The following RTN4RL2 variants were observed in gnomAD, a reference collection of about 807,000 sequenced individuals.
RTN4RL2 encodes the protein reticulon 4 receptor like 2, also known as reticulon-4 receptor-like 2.
A neutral mutation model predicts 27.8 loss-of-function variants in RTN4RL2; 9 were observed. That is an observed-to-expected ratio of 0.32 (90% confidence interval 0.20 to 0.57). The LOEUF is 0.57. Among genes scored for constraint, RTN4RL2 ranks in the 20% least tolerant of loss-of-function variants. The pLI is 0.90. For missense variants in RTN4RL2, 436 were observed against 596.8 expected, an observed-to-expected ratio of 0.73 and a Z score of 2.81; for synonymous variants, 285 against 297.9, an observed-to-expected ratio of 0.96 and a Z score of 0.45.
intron 2 of RTN4RL2, chr11:57,468,639 G>C (rs1375701669): frequency 6.5e-7 from 1 of 1,536,172 alleles, no homozygotes; most frequent in South Asian, 1.2e-5. Flanking sequence ...GAAGTAGAGA[G>C]AGAAGGCAGA....
intron 1 of RTN4RL2, among the ~76,000 whole-genome samples, chr11:57,463,685 G>A (rs544187537): frequency 2.0e-5 from 3 of 152,162 alleles, no homozygotes; most frequent in Non-Finnish European, 2.9e-5. Context: ...CGTGGTCCTC[G>A]GGAGAGACAG....
chr11:57,470,197 T>C (rs1412224209), intron 2 of RTN4RL2, among the ~76,000 whole-genome samples: 1 of 152,166 alleles, frequency 6.6e-6, no homozygotes, highest in Non-Finnish European at 1.5e-5. Context: ...ACTTAACCTC[T>C]CTCAGTCTCC....
At chr11:57,468,726 C>G (rs532585620) in intron 2 of RTN4RL2, 1 of 1,536,094 alleles carries the variant, frequency 6.5e-7, no homozygotes, top group Non-Finnish European at 8.7e-7. Flanking sequence ...GAAGCCCACA[C>G]CCCTTCTAGA....
At chr11:57,462,040 G>A (rs1943488868) in intron 1 of RTN4RL2, among the ~76,000 whole-genome samples, 1 of 151,964 alleles carries the variant, frequency 6.6e-6, no homozygotes, top group Non-Finnish European at 1.5e-5. Flanking sequence ...GATGGGGGGT[G>A]CTTTGAGCTC....
intron 2 of RTN4RL2, chr11:57,468,516 C>A (rs1431446330): frequency 2.3e-5 from 34 of 1,501,972 alleles, no homozygotes; most frequent in Non-Finnish European, 3.0e-5. Flanking sequence ...CTGTCTCTTT[C>A]TGTGATCTCA....
At chr11:57,464,153 G>C (rs1213878025) in intron 1 of RTN4RL2, among the ~76,000 whole-genome samples, 1 of 152,208 alleles carries the variant, frequency 6.6e-6, no homozygotes, top group Admixed American at 6.5e-5. Flanking sequence ...CCTGGTTGGG[G>C]GAGACATGGG....
At position 57,476,239 on chromosome 11, in the gene RTN4RL2, C is replaced by T; in HGVS notation, c.591C>T (p.His197=). 6.2e-7 allele frequency: 1 copy of T among 1,612,586 alleles called. No individual in the cohort carries two copies. Among genetic ancestry groups the T allele is most frequent in the African/African-American group, 1.3e-5 (1 of 75,032 alleles). ...ACCGCCTGCGGCTGCTCACAGAGCA[C>T]GTGTTTCGCGGCCTGGGCAGCCTGG... ...HGNRLRLLTE[H]VFRGLGSLDR... Residue 197 remains histidine (H), a synonymous_variant, in exon 3 of 3, where the codon CAC becomes CAT. Transcript: ENST00000335099. The surrounding 1 kb of genome is among the most constrained non-coding windows in gnomAD (Gnocchi z 8.2).
At chr11:57,462,602 C>G (rs941632588) in intron 1 of RTN4RL2, among the ~76,000 whole-genome samples, 3 of 152,278 alleles carry the variant, frequency 2.0e-5, no homozygotes, top group African/African-American at 7.2e-5. Flanking sequence ...GTTCCTTCTT[C>G]TACAGGGGCC....
rs1451148314 is a variant in RTN4RL2, at chr11:57,476,718, G to C, written c.1070G>C (p.Arg357Pro). The change falls in exon 3 of 3, where the codon CGG (arginine) becomes CCG (proline). Residue 357 changes from arginine to proline, a missense_variant. This residue lies in a region of RTN4RL2 where 365 missense variants were observed against 530.5 expected (regional missense o/e 0.69). Transcript: ENST00000335099. This position sits in a 1 kb window ranked among gnomAD's most constrained non-coding sequence, Gnocchi z 8.2. ...LYRDLPAEDS[R>P]GRQGGDAPTE... is the part of the protein sequence containing the mutation. ...CGAGATCTGCCTGCCGAAGACTCGC[G>C]GGGGCGCCAGGGCGGGGACGCGCCT... 1 of 1,433,000 alleles carries C rather than the reference G, an allele frequency of 7.0e-7. No homozygotes were observed. Among genetic ancestry groups the C allele is most frequent in the East Asian group, 2.8e-5 (1 of 36,170 alleles). The allele number at this position is 1,433,000 out of a possible 1,614,324, so 88.8% of individuals were successfully genotyped here. A position where few individuals can be genotyped will look rare whatever the true frequency, so the allele number is the denominator to read the frequency against.
At chr11:57,471,830 G>A (rs1460485951) in intron 2 of RTN4RL2, among the ~76,000 whole-genome samples, 1 of 152,166 alleles carries the variant, frequency 6.6e-6, no homozygotes, top group Non-Finnish European at 1.5e-5. Context: ...CCCTACTCAA[G>A]TGTAGCCAGA....
intron 2 of RTN4RL2, among the ~76,000 whole-genome samples, chr11:57,474,855 A>G (rs964921907): frequency 5.3e-5 from 8 of 152,200 alleles, no homozygotes; most frequent in African/African-American, 9.7e-5. Context: ...CCATAGTTCC[A>G]AGGTCCTTTC....
At chr11:57,468,293 T>C (rs1943541042) in intron 2 of RTN4RL2, among the ~76,000 whole-genome samples, 1 of 152,086 alleles carries the variant, frequency 6.6e-6, no homozygotes, top group Admixed American at 6.6e-5. Context: ...CCTCTCTACC[T>C]GTTTAGGTCC....
At chr11:57,461,032 C>G in intron 1 of RTN4RL2, 136 bp downstream of exon 1, 1 of 494,698 alleles carries the variant, frequency 2.0e-6, no homozygotes, top group Non-Finnish European at 3.3e-6. Context: ...GCGCTGGGGC[C>G]GCGCCCCCGC....
Position 57,467,515 on chromosome 11 carries a change from G to C in RTN4RL2, c.32-94G>C. On this transcript the variant is annotated intron_variant, in intron 1 of 2. Coordinates refer to ENST00000335099, the MANE Select transcript of RTN4RL2 (RefSeq NM_178570.3). This position sits in a 1 kb window ranked among gnomAD's most constrained non-coding sequence, Gnocchi z 5.5. ...AGGTGTGAGCCACCATATTCAGCCG[G>C]GTCTAGGCCTTTTACCAAGTTGGGG... 6.6e-7 allele frequency: 1 copy of C among 1,524,396 alleles called. No individual in the cohort carries two copies. The highest frequency in any genetic ancestry group is 8.8e-7 in the Non-Finnish European group (1 of 1,142,496). The allele number at this position is 1,524,396 out of a possible 1,614,324, so 94.4% of individuals were successfully genotyped here. A position where few individuals can be genotyped will look rare whatever the true frequency, so the allele number is the denominator to read the frequency against.
At chr11:57,471,596 G>A (rs945446999) in intron 2 of RTN4RL2, among the ~76,000 whole-genome samples, 1 of 152,244 alleles carries the variant, frequency 6.6e-6, no homozygotes, top group African/African-American at 2.4e-5. Flanking sequence ...CAGGGTGCAG[G>A]TGTGACCCAA....
chr11:57,476,403 C>T lies in RTN4RL2; in HGVS notation c.755C>T (p.Ser252Leu). 6.2e-7 allele frequency: 1 copy of T among 1,602,956 alleles called. No individual in the cohort carries two copies. Among genetic ancestry groups the T allele is most frequent in the Non-Finnish European group, 8.5e-7 (1 of 1,178,612 alleles). Residue 252 changes from serine (S) to leucine (L), a missense_variant, in exon 3 of 3, where the codon TCG (serine) becomes TTG (leucine). By Grantham distance (145) the Ser-to-Leu change is moderately radical (BLOSUM62 -2). Coordinates refer to ENST00000335099, the MANE Select transcript of RTN4RL2 (RefSeq NM_178570.3). The surrounding 1 kb of genome is among the most constrained non-coding windows in gnomAD (Gnocchi z 8.2). ...GGCGAGGCGCTCGCCGACCTGCCCT[C>T]GCTCGAGTTCCTGCGGCTCAACGCT... ...LPGEALADLP[S>L]LEFLRLNANP...
chr11:57,468,532 T>C (rs946645648), intron 2 of RTN4RL2: 4 of 1,532,046 alleles, frequency 2.6e-6, no homozygotes, highest in Non-Finnish European at 3.5e-6. Context: ...TCTCACGTGT[T>C]TGCCTTCAGG....
intron 2 of RTN4RL2, among the ~76,000 whole-genome samples, chr11:57,475,295 T>C (rs1299593791): frequency 6.6e-6 from 1 of 152,200 alleles, no homozygotes; most frequent in African/African-American, 2.4e-5. Context: ...AAAGGCAAGC[T>C]GGATTTTGAA....
At chr11:57,468,789 AATCTCTGTT>A in intron 2 of RTN4RL2, 1 of 1,479,658 alleles carries the variant, frequency 6.8e-7, no homozygotes, top group East Asian at 2.5e-5. Flanking sequence ...GAAAAGGGTA[AATCTCTGTT>A]ATGCAGCTGG....
Sources: gnomAD v4.1 joint callset for allele counts (sites outside exome capture counted in the v4.1 genomes callset) on GRCh38, gnomAD v4.1.1 for gene constraint, gnomAD v4.1.1 regional missense constraint, Gnocchi (gnomAD v3.1) non-coding constraint, MANE v1.5 for transcripts, NCBI Gene and HGNC (gene_info 2026-07-23, HGNC 2026-07-21) for gene names.